UTRN: variants seen among roughly 807,000 people sequenced by gnomAD.
The protein encoded by UTRN is dystrophin-related protein 1.
Under a neutral mutation model 463.9 loss-of-function variants are expected in UTRN, and 283 were observed. The observed-to-expected ratio is 0.61, with a 90% CI of 0.55 to 0.67. The LOEUF is 0.67. Among genes scored for constraint, UTRN ranks in the 30% least tolerant of loss-of-function variants. The probability of loss-of-function intolerance (pLI) is 0.00; values close to 1 mark genes in which losing one functional copy is unlikely to be tolerated. For synonymous variants in UTRN, 1,442 were observed against 1,431.5 expected (o/e 1.01, Z -0.17); for missense variants, 3,922 against 4,084.3 (o/e 0.96, Z 1.08).
intron 2 of UTRN, among the ~76,000 whole-genome samples, chr6:144,360,365 G>C (rs758347674): frequency 3.3e-5 from 5 of 151,954 alleles, no homozygotes; most frequent in Non-Finnish European, 7.4e-5. Flanking sequence ...TAGAAACGGG[G>C]TTTCACCATG....
chr6:144,449,594 T>C (rs1788050594), intron 17 of UTRN, among the ~76,000 whole-genome samples: 1 of 152,160 alleles, frequency 6.6e-6, no homozygotes, highest in African/African-American at 2.4e-5. Context: ...AGGAGGAACA[T>C]ATCCCTGTTT....
chr6:144,301,453 T>C (rs1805238774), intron 2 of UTRN, among the ~76,000 whole-genome samples: 1 of 151,904 alleles, frequency 6.6e-6, no homozygotes, highest in South Asian at 2.1e-4. Context: ...TCAAGGCAGA[T>C]TGCTCAGAGA....
chr6:144,754,607 A>G (rs1791781426), intron 56 of UTRN, 113 bp from the exon 57 acceptor site: 7 of 990,740 alleles, frequency 7.1e-6, no homozygotes, highest in South Asian at 1.6e-5. Flanking sequence ...TATATAAACA[A>G]TCATATCCTG....
intron 2 of UTRN, among the ~76,000 whole-genome samples, chr6:144,295,142 G>T (rs1269497294): frequency 6.6e-6 from 1 of 152,182 alleles, no homozygotes. Context: ...CCAAGACTAA[G>T]AATTTTTAAA....
chr6:144,457,952 C>G (rs1265972485), intron 19 of UTRN, among the ~76,000 whole-genome samples: 1 of 152,148 alleles, frequency 6.6e-6, no homozygotes. Flanking sequence ...ATTTCCCATA[C>G]TTTTTCATAG....
intron 34 of UTRN, among the ~76,000 whole-genome samples, chr6:144,508,771 C>T (rs567632141): frequency 6.6e-6 from 1 of 152,254 alleles, no homozygotes; most frequent in East Asian, 1.9e-4. Flanking sequence ...TGGTGTATTT[C>T]GTGAGGTAAG....
At chr6:144,538,088 T>G (rs2128605168) in intron 44 of UTRN, among the ~76,000 whole-genome samples, 1 of 152,316 alleles carries the variant, frequency 6.6e-6, no homozygotes, top group African/African-American at 2.4e-5. Flanking sequence ...CTCAACTTTA[T>G]AGATAATCAG....
chr6:144,595,551 A>G (rs1803557587), intron 51 of UTRN, among the ~76,000 whole-genome samples: 1 of 152,176 alleles, frequency 6.6e-6, no homozygotes. Flanking sequence ...CAGTAAAATC[A>G]TACTATTTCC....
In UTRN at chr6:144,781,804, T is replaced by C. The variant is rs1775854144; in HGVS notation, c.8633-118T>C. 6 of 697,922 alleles carry C rather than the reference T, an allele frequency of 8.6e-6. No homozygotes were observed. The South Asian group carries it at 1.2e-4, about 14-fold the overall frequency. The allele number at this position is 697,922 out of a possible 1,614,324, so 43.2% of individuals were successfully genotyped here. A position where few individuals can be genotyped will look rare whatever the true frequency, so the allele number is the denominator to read the frequency against. ...CTGAAATTTAGCTAAAAAGGATAGATTCTTAAATTGAAGAATCAAGCTAAA... is the reference window on the plus strand; with the variant it reads ...CTGAAATTTAGCTAAAAAGGATAGACTCTTAAATTGAAGAATCAAGCTAAA... On this transcript the variant is annotated intron_variant, in intron 60 of 74. Coordinates refer to ENST00000367545, the MANE Select transcript of UTRN (RefSeq NM_007124.3).
At chr6:144,724,028 A>G (rs1456521725) in intron 53 of UTRN, among the ~76,000 whole-genome samples, 28 of 145,272 alleles carry the variant, frequency 1.9e-4, no homozygotes, top group Admixed American at 2.1e-4. Context: ...AAAAAAAAAA[A>G]AGAAAGAAAA....
chr6:144,634,168 C>T (rs1776850627), intron 51 of UTRN, among the ~76,000 whole-genome samples: 1 of 152,234 alleles, frequency 6.6e-6, no homozygotes, highest in Non-Finnish European at 1.5e-5. Context: ...ATGCTGCCTT[C>T]GCAGTGATCA....
chr6:144,437,793 C>T (rs1786722401), intron 11 of UTRN, 47 bp downstream of exon 11: 1 of 1,568,062 alleles, frequency 6.4e-7, no homozygotes, highest in Non-Finnish European at 8.6e-7. Context: ...GGCTGCTTTG[C>T]ACAGTTGAGC....
chr6:144,758,322 T>C (rs1028474646), intron 58 of UTRN: 1 of 167,394 alleles, frequency 6.0e-6, no homozygotes, highest in African/African-American at 2.4e-5. Flanking sequence ...AAAAAAAAAA[T>C]TGGAGAAAAA....
chr6:144,541,965 C>T (rs74517484), intron 45 of UTRN, among the ~76,000 whole-genome samples: 1,580 of 152,202 alleles, frequency 0.01, 34 homozygotes, highest in African/African-American at 0.036. Flanking sequence ...GGAAGTAGCC[C>T]ACTGTAGAAT....
intron 2 of UTRN, chr6:144,330,883 A>C: frequency 2.0e-6 from 2 of 985,452 alleles, no homozygotes; most frequent in Non-Finnish European, 2.4e-6. Flanking sequence ...CGAGGGGTAC[A>C]CATCCCTTTG....
At chr6:144,349,005 A>T (rs1374945823) in intron 2 of UTRN, among the ~76,000 whole-genome samples, 3 of 151,972 alleles carry the variant, frequency 2.0e-5, no homozygotes, top group Middle Eastern at 3.4e-3. Context: ...CATGGTACTG[A>T]GCAGTTCTTT....
intron 71 of UTRN, chr6:144,837,306 G>A (rs1169078789): frequency 6.6e-6 from 1 of 152,172 alleles, no homozygotes; most frequent in African/African-American, 2.4e-5. Context: ...TACAGTTTCT[G>A]CCTTTCTGGT....
intron 2 of UTRN, among the ~76,000 whole-genome samples, chr6:144,329,228 G>A (rs1776180039): frequency 6.6e-6 from 1 of 151,674 alleles, no homozygotes; most frequent in African/African-American, 2.4e-5. Context: ...GACTACAGGC[G>A]CACGCCATCA....
At chr6:144,538,803 C>T in intron 44 of UTRN, among the ~76,000 whole-genome samples, 1 of 151,780 alleles carries the variant, frequency 6.6e-6, no homozygotes, top group East Asian at 1.9e-4. Context: ...GAGAAAGAAA[C>T]ATTGAATAAT....
Sources: gnomAD v4.1 joint callset for allele counts (sites outside exome capture counted in the v4.1 genomes callset) on GRCh38, gnomAD v4.1.1 for gene constraint, MANE v1.5 for transcripts, NCBI Gene and HGNC (gene_info 2026-07-23, HGNC 2026-07-21) for gene names.